CSE1L: variants seen among roughly 807,000 people sequenced by gnomAD.
CSE1L encodes the protein exportin-2.
A neutral mutation model predicts 120.4 loss-of-function variants in CSE1L; 24 were observed. The observed-to-expected ratio is 0.20, with a 90% CI of 0.14 to 0.28. The LOEUF (loss-of-function observed/expected upper bound fraction) is 0.28. CSE1L is among the 10% of genes least tolerant of loss of function. CSE1L has a pLI of 1.00. For missense variants in CSE1L, 830 were observed against 1,145.2 expected (o/e 0.72, Z 3.97); for synonymous variants, 402 against 398.3 (o/e 1.01, Z -0.11).
chr20:49,050,385 A>ATTTTTTTT (rs1243770980), intron 1 of CSE1L, among the ~76,000 whole-genome samples: 1 of 79,018 alleles, frequency 1.3e-5, no homozygotes, highest in Non-Finnish European at 2.3e-5. Context: ...AGCCCAGCTA[A>ATTTTTTTT]TTTTTTTTTT....
chr20:49,062,131 C>T (rs1247336432), intron 2 of CSE1L, among the ~76,000 whole-genome samples: 2 of 152,086 alleles, frequency 1.3e-5, no homozygotes, highest in African/African-American at 4.8e-5. Flanking sequence ...TAGTGTGTTG[C>T]CCTGTACAAA....
chr20:49,077,118 CA>C, intron 13 of CSE1L, 54 bp downstream of exon 13: 3 of 815,160 alleles, frequency 3.7e-6, no homozygotes, highest in Admixed American at 2.6e-5. Context: ...TACCTGAATT[CA>C]AAAAACAGCT....
intron 14 of CSE1L, among the ~76,000 whole-genome samples, chr20:49,083,707 T>A (rs911407082): frequency 2.0e-5 from 3 of 152,240 alleles, no homozygotes; most frequent in African/African-American, 7.2e-5. Context: ...TTTCAAGAAA[T>A]ATCTGCTAGT....
chr20:49,051,196 T>C (rs2091763710), intron 1 of CSE1L, among the ~76,000 whole-genome samples: 2 of 152,154 alleles, frequency 1.3e-5, no homozygotes, highest in African/African-American at 4.8e-5. Flanking sequence ...AGGTGAATGC[T>C]CTTTTAGATA....
chr20:49,047,559 C>CTTTTTTTTTTTTT (rs1568757225), intron 1 of CSE1L, among the ~76,000 whole-genome samples: 1 of 61,088 alleles, frequency 1.6e-5, no homozygotes, highest in Non-Finnish European at 3.4e-5. Flanking sequence ...TTTCTTTTCT[C>CTTTTTTTTTTTTT]TTTTCTTTTT....
intron 1 of CSE1L, among the ~76,000 whole-genome samples, chr20:49,054,637 ATCG>A (rs2091792844): frequency 6.6e-6 from 1 of 152,186 alleles, no homozygotes; most frequent in South Asian, 2.1e-4. Context: ...AACATCTAGC[ATCG>A]TGTGCCTGGT....
chr20:49,091,545 G>A (rs1214377276), intron 21 of CSE1L, among the ~76,000 whole-genome samples: 3 of 152,048 alleles, frequency 2.0e-5, no homozygotes, highest in African/African-American at 7.2e-5. Context: ...ACCAGCCTGG[G>A]CAACATGGTA....
chr20:49,092,166 T>C (rs759563844), intron 22 of CSE1L, 39 bp downstream of exon 22: 1 of 1,202,146 alleles, frequency 8.3e-7, no homozygotes, highest in East Asian at 2.4e-5. Flanking sequence ...GAAGAAAATG[T>C]TTTGACTTTT....
At chr20:49,055,336 G>C (rs779327617) in intron 1 of CSE1L, among the ~76,000 whole-genome samples, 1 of 152,052 alleles carries the variant, frequency 6.6e-6, no homozygotes, top group Non-Finnish European at 1.5e-5. Flanking sequence ...GCCTGTACTT[G>C]GCATTTCAGT....
chr20:49,072,042 CGGCGTG>C (rs912698348), intron 8 of CSE1L, among the ~76,000 whole-genome samples: 15 of 151,910 alleles, frequency 9.9e-5, no homozygotes, highest in Non-Finnish European at 1.3e-4. Flanking sequence ...TTGGGATTAC[CGGCGTG>C]AGCCACTACA....
In CSE1L at chr20:49,085,356, G is replaced by T. The variant is rs775887876; in HGVS notation, c.1693G>T (p.Gly565Cys). ...TNLFKALTLP[G>C]SSENEYIMKA... ...CCTTTTCAAAGCTCTCACACTTCCT[G>T]GCTCTTCAGAAAATGAATATATTAT... is the stretch of plus-strand genomic sequence containing the variant. Residue 565 changes from glycine to cysteine, a missense_variant, in exon 16 of 25, where the codon GGC (glycine) becomes TGC (cysteine). This residue lies in a region of CSE1L where 168 missense variants were observed against 267.9 expected (regional missense o/e 0.63). Coordinates refer to ENST00000262982, the MANE Select transcript of CSE1L (RefSeq NM_001316.4). The T allele has an allele frequency of 6.2e-7, 1 of 1,613,762 alleles. No homozygotes were observed. Among genetic ancestry groups the T allele is most frequent in the Non-Finnish European group, 8.5e-7 (1 of 1,179,874 alleles).
intron 17 of CSE1L, among the ~76,000 whole-genome samples, 168 bp downstream of exon 17, chr20:49,088,274 A>T (rs1256125284): frequency 6.6e-6 from 1 of 152,216 alleles, no homozygotes; most frequent in Non-Finnish European, 1.5e-5. Context: ...TAGATTGGAG[A>T]CGTAATAGCA....
intron 1 of CSE1L, among the ~76,000 whole-genome samples, chr20:49,047,564 C>CTTTCTTTTTTTT (rs2091726785): frequency 1.4e-5 from 1 of 69,928 alleles, no homozygotes; most frequent in African/African-American, 7.7e-5. Context: ...TTTCTCTTTT[C>CTTTCTTTTTTTT]TTTTTTTTTT....
chr20:49,056,567 A>G (rs1200392720), intron 1 of CSE1L, among the ~76,000 whole-genome samples: 2 of 152,176 alleles, frequency 1.3e-5, no homozygotes, highest in African/African-American at 2.4e-5. Context: ...GTTTGCACCT[A>G]ATTTTATCGT....
chr20:49,095,470 A>G (rs1457366824), intron 24 of CSE1L, among the ~76,000 whole-genome samples: 1 of 152,004 alleles, frequency 6.6e-6, no homozygotes, highest in Non-Finnish European at 1.5e-5. Context: ...AGGACCCACT[A>G]TGCCCAGCTA....
At chr20:49,070,686 TTTGGGCGGC>T (rs2091925293) in intron 8 of CSE1L, among the ~76,000 whole-genome samples, 1 of 89,890 alleles carries the variant, frequency 1.1e-5, no homozygotes, top group Non-Finnish European at 2.0e-5. Context: ...ATCCCAGCAC[TTTGGGCGGC>T]CAAGGTGGGG....
rs747630013 is a variant in CSE1L at position 49,094,167 on chromosome 20, T to C, written c.2475T>C (p.Ile825=). 2.5e-6 allele frequency: 4 copies of C among 1,582,966 alleles called. No individual in the cohort carries two copies. The highest frequency in any genetic ancestry group is 2.6e-6 in the Non-Finnish European group (3 of 1,157,322). ...PKMFGMVLEK[I]IIPEIQKVSG... ...TGTTTGGAATGGTTTTGGAAAAAAT[T>C]ATTATTCCTGAAATTCAGAAGGTAT... Residue 825 remains isoleucine, a synonymous_variant, in exon 23 of 25, where the codon ATT becomes ATC. Transcript: ENST00000262982.
Position 49,090,752 on chromosome 20 carries a change from TAGGTG to T in CSE1L, c.2193_2197del (p.Gly732LeufsTer11). The T allele has an allele frequency of 6.2e-7, 1 of 1,613,796 alleles. No individual in the cohort carries two copies. The highest frequency in any genetic ancestry group is 8.5e-7 in the Non-Finnish European group (1 of 1,179,780). Reference sequence around the variant, plus strand: ...CTCATTTCTTAACAGCCTGGGTTACTAGGTGTCTTTCAGAAGCTGATTGCATCCAA... The same window carrying T: ...CTCATTTCTTAACAGCCTGGGTTACTTCTTTCAGAAGCTGATTGCATCCAA... On this transcript the variant is annotated frameshift_variant, in exon 20 of 25. Coordinates refer to ENST00000262982, the MANE Select transcript of CSE1L (RefSeq NM_001316.4). LOFTEE classifies it high-confidence loss of function.
rs535421900 is a variant in CSE1L at position 49,082,722 on chromosome 20, T to C, written c.1483-1304T>C. ...TTTTTTAGTAGAGACGGGGTTTCAC[T>C]GTGTTAGCCAGGATGGTCTCGATCT... On this transcript the variant is annotated intron_variant, in intron 14 of 24. Transcript: ENST00000262982. Among the ~76,000 whole-genome samples, 9 of 151,940 alleles carry C rather than the reference T, an allele frequency of 5.9e-5. No homozygotes were observed. The East Asian group carries it at 9.8e-4, about 17-fold the overall frequency.
Sources: gnomAD v4.1 joint callset for allele counts (sites outside exome capture counted in the v4.1 genomes callset) on GRCh38, gnomAD v4.1.1 for gene constraint, gnomAD v4.1.1 regional missense constraint, MANE v1.5 for transcripts, NCBI Gene and HGNC (gene_info 2026-07-23, HGNC 2026-07-21) for gene names.